The following AFTPH variants were observed in gnomAD, a reference collection of about 807,000 sequenced individuals.
AFTPH encodes aftiphilin protein.
AFTPH carries 7 observed loss-of-function variants against 72.5 expected under a neutral mutation model. The ratio of observed to expected loss-of-function variants is 0.10; its 90% CI spans 0.05 to 0.18. The LOEUF (loss-of-function observed/expected upper bound fraction) is 0.18. Ranked by LOEUF, AFTPH falls within the 10% of genes least tolerant of loss-of-function variation. The pLI is 1.00. For synonymous variants in AFTPH, 337 were observed against 370.1 expected (o/e 0.91, Z 1.03); for missense variants, 979 against 1,060.5 (o/e 0.92, Z 1.07).
intron 4 of AFTPH, 77 bp from the exon 5 acceptor site, chr2:64,569,546 A>G (rs1433462195): frequency 3.3e-6 from 5 of 1,493,616 alleles, no homozygotes; most frequent in Non-Finnish European, 4.7e-6. Flanking sequence ...ACACATCTCA[A>G]GCATATTTGG....
At chr2:64,585,641 A>G (rs2104235771) in intron 8 of AFTPH, 96 bp downstream of exon 9, 1 of 1,355,632 alleles carries the variant, frequency 7.4e-7, no homozygotes, top group Non-Finnish European at 9.9e-7. Context: ...TCAATATATT[A>G]TATCACAACT....
intron 2 of AFTPH, among the ~76,000 whole-genome samples, chr2:64,554,345 G>A (rs1300941027): frequency 6.6e-6 from 1 of 152,164 alleles, no homozygotes; most frequent in African/African-American, 2.4e-5. Flanking sequence ...AACTCCAGGG[G>A]TGTGGAAGAG....
intron 1 of AFTPH, among the ~76,000 whole-genome samples, chr2:64,541,713 G>C (rs1670261788): frequency 6.6e-6 from 1 of 152,098 alleles, no homozygotes. Flanking sequence ...TGTACACCAG[G>C]CAACACTTGT....
intron 8 of AFTPH, among the ~76,000 whole-genome samples, chr2:64,590,800 A>C (rs1013797143): frequency 1.3e-5 from 2 of 152,210 alleles, no homozygotes; most frequent in African/African-American, 4.8e-5. Context: ...TCTGGATTCA[A>C]AGTGGTAACA....
At chr2:64,584,819 A>AT (rs1267259418) in intron 7 of AFTPH, among the ~76,000 whole-genome samples, 2 of 152,030 alleles carry the variant, frequency 1.3e-5, no homozygotes, top group Non-Finnish European at 2.9e-5. Context: ...GACGGTCTTG[A>AT]TCTCCTGACT....
At chr2:64,550,257 A>G (rs956590997) in intron 1 of AFTPH, among the ~76,000 whole-genome samples, 10 of 152,176 alleles carry the variant, frequency 6.6e-5, no homozygotes, top group Non-Finnish European at 1.3e-4. Flanking sequence ...AGTCAGACCC[A>G]GGAGTGGTGA....
chr2:64,577,527 C>T (rs1210883691), intron 6 of AFTPH, among the ~76,000 whole-genome samples: 1 of 152,162 alleles, frequency 6.6e-6, no homozygotes, highest in Non-Finnish European at 1.5e-5. Flanking sequence ...CATGAAAGAA[C>T]TTGCTCCATT....
At chr2:64,574,256 G>A (rs2104112621) in intron 6 of AFTPH, among the ~76,000 whole-genome samples, 1 of 152,282 alleles carries the variant, frequency 6.6e-6, no homozygotes, top group South Asian at 2.1e-4. Context: ...CACAAAAAGT[G>A]TATGCTTGGA....
chr2:64,577,399 T>C (rs1672889919), intron 6 of AFTPH, among the ~76,000 whole-genome samples: 1 of 152,200 alleles, frequency 6.6e-6, no homozygotes, highest in Non-Finnish European at 1.5e-5. Context: ...CATTATGATT[T>C]TGGCTGTCTT....
exon 2 of AFTPH, chr2:64,553,251 G>T: frequency 1.2e-6 from 2 of 1,614,056 alleles, no homozygotes; most frequent in Non-Finnish European, 1.7e-6. Context: ...AGACCAGCAG[G>T]CTACTGAATC....
exon 9 of AFTPH, chr2:64,592,469 A>G (rs1673884421): frequency 6.5e-6 from 1 of 152,748 alleles, no homozygotes; most frequent in Non-Finnish European, 1.5e-5. Context: ...TATCATAAAT[A>G]AGCTCCAAAG....
intron 1 of AFTPH, among the ~76,000 whole-genome samples, chr2:64,541,824 G>A (rs1167402601): frequency 2.0e-5 from 3 of 152,126 alleles, no homozygotes; most frequent in Admixed American, 2.0e-4. Flanking sequence ...TCACCCAAGT[G>A]ACTAATTATA....
intron 8 of AFTPH, among the ~76,000 whole-genome samples, chr2:64,589,914 T>A (rs1673715723): frequency 7.2e-6 from 1 of 139,008 alleles, no homozygotes; most frequent in South Asian, 2.7e-4. Flanking sequence ...GTGTAATTCT[T>A]TCAGATCTTT....
chr2:64,551,165 C>T (rs536467330), intron 1 of AFTPH, among the ~76,000 whole-genome samples: 4 of 152,106 alleles, frequency 2.6e-5, no homozygotes, highest in African/African-American at 9.6e-5. Flanking sequence ...ATCTGGAATC[C>T]CCACATTTCA....
intron 4 of AFTPH, 138 bp from the exon 5 acceptor site, chr2:64,569,485 T>TA (rs1672289647): frequency 9.8e-7 from 1 of 1,016,738 alleles, no homozygotes; most frequent in Non-Finnish European, 1.4e-6. Context: ...AAATAACCCA[T>TA]ATGGGCAATT....
At chr2:64,557,111 A>G (rs1337038611) in intron 2 of AFTPH, among the ~76,000 whole-genome samples, 2 of 151,720 alleles carry the variant, frequency 1.3e-5, no homozygotes, top group Non-Finnish European at 2.9e-5. Flanking sequence ...AAGCCAGGAA[A>G]TTTTTTTTTA....
chr2:64,524,606 G>A (rs929026927), exon 1 of AFTPH: 1 of 398,400 alleles, frequency 2.5e-6, no homozygotes, highest in African/African-American at 2.1e-5. Context: ...CGCCCCGAAG[G>A]AGCCAGGTAA....
At chr2:64,538,173 G>A (rs1669990674) in intron 1 of AFTPH, among the ~76,000 whole-genome samples, 1 of 151,988 alleles carries the variant, frequency 6.6e-6, no homozygotes, top group Non-Finnish European at 1.5e-5. Flanking sequence ...TGAGTCATAG[G>A]GGAAAAATGT....
At chr2:64,583,316 TAAAAA>T (rs11395165) in intron 7 of AFTPH, among the ~76,000 whole-genome samples, 48 of 141,934 alleles carry the variant, frequency 3.4e-4, no homozygotes, top group African/African-American at 1.1e-3. Flanking sequence ...AAGGCTCTGT[TAAAAA>T]AAAAAAAAAG....
Sources: gnomAD v4.1 joint callset for allele counts (sites outside exome capture counted in the v4.1 genomes callset) on GRCh38, gnomAD v4.1.1 for gene constraint, MANE v1.5 for transcripts, NCBI Gene and HGNC (gene_info 2026-07-23, HGNC 2026-07-21) for gene names.